IL20: variants seen among roughly 807,000 people sequenced by gnomAD.
IL20 encodes interleukin-20.
Under a neutral mutation model 19.2 loss-of-function variants are expected in IL20, and 22 were observed. The observed-to-expected ratio is 1.15, with a 90% CI of 0.82 to 1.64. The LOEUF is 1.64. Ranked by LOEUF, IL20 falls within the 40% of genes most tolerant of loss-of-function variation. The pLI, the probability that IL20 is intolerant of heterozygous loss-of-function variation, is 0.00. For synonymous variants in IL20, 70 were observed against 76.2 expected (o/e 0.92, Z 0.43); for missense variants, 215 against 212.8 (o/e 1.01, Z -0.06).
In IL20 at chr1:206,866,478, T is replaced by C. The variant is rs111506841; in HGVS notation, c.226-6T>C. ...CCCTCACCAATATACCTGTGGTTTT[T>C]TGCAGCCTGCGAATCGATGCTGCCT... On this transcript the variant is annotated splice_region_variant and splice_polypyrimidine_tract_variant and intron_variant, in intron 3 of 5. Transcript: ENST00000367098. 3 of 1,614,104 alleles carry C rather than the reference T, an allele frequency of 1.9e-6. No individual in the cohort carries two copies. Among genetic ancestry groups the C allele is most frequent in the Non-Finnish European group, 2.5e-6 (3 of 1,179,994 alleles).
Position 206,865,899 on chromosome 1 carries a change from A to G in IL20, c.47A>G (p.Tyr16Cys). Residue 16 changes from tyrosine to cysteine, a missense_variant, in exon 2 of 6, where the codon TAT (tyrosine) becomes TGT (cysteine). Tyr to Cys is a radical substitution (Grantham distance 194). Transcript: ENST00000367098. The surrounding 1 kb of genome is among the most constrained non-coding windows in gnomAD (Gnocchi z 4.1). ...TTCAGCCTTCTCTCTGCTGCGTTTT[A>G]TCTCCTATGGACTCCTTCCACTGGA... ...LAFSLLSAAFYLLWTPSTGLK... is the reference protein window; with the variant it reads ...LAFSLLSAAFCLLWTPSTGLK... 1.2e-6 allele frequency: 2 copies of G among 1,614,076 alleles called. No homozygotes were observed. The highest frequency in any genetic ancestry group is 1.7e-4 in the Middle Eastern group (1 of 6,060).
In IL20 at chr1:206,866,016, G is replaced by C. The variant is rs3024516; in HGVS notation, c.159+5G>C. On this transcript the variant is annotated splice_donor_5th_base_variant and intron_variant, in intron 2 of 5. Coordinates refer to ENST00000367098, the MANE Select transcript of IL20 (RefSeq NM_018724.4). ...TCTGAGATACGGGGCAGTGTGGTACGTAAGCGGGTATCTACCTCTCCTGAA... is the reference window on the plus strand; with the variant it reads ...TCTGAGATACGGGGCAGTGTGGTACCTAAGCGGGTATCTACCTCTCCTGAA... The C allele has an allele frequency of 7.4e-6, 12 of 1,613,394 alleles. No homozygotes were observed. Among genetic ancestry groups the C allele is most frequent in the African/African-American group, 1.3e-5 (1 of 74,898 alleles).
rs1393149581 is a variant in IL20 at position 206,866,348 on chromosome 1, C to T, written c.209C>T (p.Ser70Phe). 1.9e-6 allele frequency: 3 copies of T among 1,614,076 alleles called. No homozygotes were observed. The highest frequency in any genetic ancestry group is 2.5e-6 in the Non-Finnish European group (3 of 1,179,962). The change falls in exon 3 of 6, where the codon TCT becomes TTT. Residue 70 changes from serine (S) to phenylalanine (F), a missense_variant. By Grantham distance (155) the Ser-to-Phe change is radical. Coordinates refer to ENST00000367098, the MANE Select transcript of IL20 (RefSeq NM_018724.4). ...IDIRILRRTE[S>F]LQDTKPANRC... ...ATCAGAATCTTAAGGAGGACTGAGTCTTTGCAAGACACAAAGGTATGTGCT... is the reference window on the plus strand; with the variant it reads ...ATCAGAATCTTAAGGAGGACTGAGTTTTTGCAAGACACAAAGGTATGTGCT...
At chr1:206,866,217 GAGTGGATGAGA>G in intron 2 of IL20, 71 bp from the exon 3 acceptor site, 1 of 1,360,290 alleles carries the variant, frequency 7.4e-7, no homozygotes, top group East Asian at 2.3e-5. Flanking sequence ...TCTTGGCAGG[GAGTGGATGAGA>G]AGTCTTGATA....
Position 206,869,203 on chromosome 1 carries a change from TAA to T in IL20, c.*641_*642del, listed in dbSNP as rs1423890331. ...CACGGCCAGCATGTATTTCTACAAATAAAGTTTTCTTTGCATAACATCTGCTT... is the reference window on the plus strand; with the variant it reads ...CACGGCCAGCATGTATTTCTACAAATAGTTTTCTTTGCATAACATCTGCTT... On this transcript the variant is annotated 3_prime_UTR_variant, in exon 6 of 6. Transcript: ENST00000367098. 1 of 152,300 alleles carries T rather than the reference TAA, an allele frequency of 6.6e-6. No individual in the cohort carries two copies. Among genetic ancestry groups the T allele is most frequent in the African/African-American group, 2.4e-5 (1 of 41,414 alleles). 9.4% of individuals were successfully genotyped at this position (152,300 alleles called of 1,614,324 possible). A position where few individuals can be genotyped will look rare whatever the true frequency, so the allele number is the denominator to read the frequency against.
At chr1:206,865,446 T>C (rs549979185), upstream of IL20, 10 of 987,482 alleles carry the variant, frequency 1.0e-5, no homozygotes, top group East Asian at 1.0e-3. This position sits in a 1 kb window ranked among gnomAD's most constrained non-coding sequence, Gnocchi z 4.1. Context: ...GTTGGCTTTC[T>C]GGAAGGGGAG....
rs1250999061 is a variant in IL20 at position 206,866,021 on chromosome 1, C to T, written c.159+10C>T. On this transcript the variant is annotated intron_variant, in intron 2 of 5. Coordinates refer to ENST00000367098, the MANE Select transcript of IL20 (RefSeq NM_018724.4). The stretch of plus-strand genomic sequence containing the variant: ...GATACGGGGCAGTGTGGTACGTAAG[C>T]GGGTATCTACCTCTCCTGAAAGCCT... The T allele has an allele frequency of 9.3e-6, 15 of 1,611,800 alleles. No homozygotes were observed. Among genetic ancestry groups the T allele is most frequent in the African/African-American group, 1.3e-5 (1 of 74,862 alleles).
At chr1:206,867,301 G>C in intron 4 of IL20, 83 bp from the exon 5 acceptor site, 4 of 1,158,082 alleles carry the variant, frequency 3.5e-6, no homozygotes, top group Non-Finnish European at 5.2e-6. Flanking sequence ...GTGGGTGAAA[G>C]AGTAGAGTTT....
At chr1:206,868,360 T>G in intron 5 of IL20, 127 bp from the exon 6 acceptor site, 1 of 484,078 alleles carries the variant, frequency 2.1e-6, no homozygotes, top group Middle Eastern at 3.3e-4. Context: ...ATAACTTCTT[T>G]AAGTGCTTCA....
chr1:206,868,100 T>A (rs1031930253), intron 5 of IL20, among the ~76,000 whole-genome samples: 1 of 152,034 alleles, frequency 6.6e-6, no homozygotes, highest in Non-Finnish European at 1.5e-5. Flanking sequence ...GCTAGGTGAT[T>A]GGCACAATCA....
At chr1:206,867,705 C>T (rs1677598435) in intron 5 of IL20, among the ~76,000 whole-genome samples, 1 of 152,194 alleles carries the variant, frequency 6.6e-6, no homozygotes, top group Admixed American at 6.5e-5. Flanking sequence ...ACTACAGTGA[C>T]ATCTGGATCT....
rs759150763 is a variant in IL20, at chr1:206,865,887, CT to C, written c.36del (p.Ala13LeufsTer13). ...TCTAGTCTTGCCTTCAGCCTTCTCT[CT>C]GCTGCGTTTTATCTCCTATGGACTC... is the stretch of plus-strand genomic sequence containing the variant. Reference protein sequence around the residue: ...KASSLAFSLLSAAFYLLWTPS... With the variant: ...KASSLAFSLLXAAFYLLWTPS... On this transcript the variant is annotated frameshift_variant, in exon 2 of 6. Transcript: ENST00000367098. LOFTEE classifies it high-confidence loss of function. This position sits in a 1 kb window ranked among gnomAD's most constrained non-coding sequence, Gnocchi z 4.1. 1.4e-4 allele frequency: 225 copies of C among 1,614,114 alleles called. 3 individuals carry two copies. The South Asian group carries it at 2.3e-3, about 17-fold the overall frequency.
In IL20 at chr1:206,867,466, C is replaced by T. The variant is rs777364408; in HGVS notation, c.453+8C>T. The T allele has an allele frequency of 1.9e-5, 31 of 1,610,114 alleles. No individual in the cohort carries two copies. The highest frequency in any genetic ancestry group is 1.3e-4 in the African/African-American group (10 of 74,854). ...CTGAGTCACTTTGAAAAGGTATATGCGACTTTGGCATTGATTGGGATGGGT... is the reference window on the plus strand; with the variant it reads ...CTGAGTCACTTTGAAAAGGTATATGTGACTTTGGCATTGATTGGGATGGGT... On this transcript the variant is annotated splice_region_variant and intron_variant, in intron 5 of 5. Coordinates refer to ENST00000367098, the MANE Select transcript of IL20 (RefSeq NM_018724.4).
rs574049013 is a variant in IL20, at chr1:206,867,444, A to C, written c.439A>C (p.Ser147Arg). The C allele has an allele frequency of 5.8e-5, 94 of 1,613,584 alleles. No individual in the cohort carries two copies. The highest frequency in any genetic ancestry group is 7.4e-5 in the Non-Finnish European group (87 of 1,179,664). Reference sequence around the variant, plus strand: ...AATGAAGAAATACAGCCAGATTCTGAGTCACTTTGAAAAGGTATATGCGAC... The same window carrying C: ...AATGAAGAAATACAGCCAGATTCTGCGTCACTTTGAAAAGGTATATGCGAC... The part of the protein sequence containing the change: ...EAMKKYSQIL[S>R]HFEKLEPQAA... Residue 147 changes from serine (S) to arginine (R), a missense_variant, in exon 5 of 6, where the codon AGT (serine) becomes CGT (arginine). Coordinates refer to ENST00000367098, the MANE Select transcript of IL20 (RefSeq NM_018724.4).
Position 206,866,368 on chromosome 1 carries a change from T to G in IL20, c.225+4T>G. ...TGAGTCTTTGCAAGACACAAAGGTATGTGCTTGGCCCAGACAAACTCTGGG... is the reference window on the plus strand; with the variant it reads ...TGAGTCTTTGCAAGACACAAAGGTAGGTGCTTGGCCCAGACAAACTCTGGG... On this transcript the variant is annotated splice_donor_region_variant and intron_variant, in intron 3 of 5. Coordinates refer to ENST00000367098, the MANE Select transcript of IL20 (RefSeq NM_018724.4). 1.2e-6 allele frequency: 2 copies of G among 1,613,998 alleles called. No homozygotes were observed. Among genetic ancestry groups the G allele is most frequent in the East Asian group, 4.5e-5 (2 of 44,882 alleles).
rs1677635263 is a variant in IL20 at position 206,868,819 on chromosome 1, T to G, written c.*255T>G. Reference sequence around the variant, plus strand: ...TTGGATATATTTATTAGTTAATATATTTATTTATTTTTTGCTATTTAATGT... The same window carrying G: ...TTGGATATATTTATTAGTTAATATAGTTATTTATTTTTTGCTATTTAATGT... On this transcript the variant is annotated 3_prime_UTR_variant, in exon 6 of 6. Transcript: ENST00000367098. 4.8e-6 allele frequency: 1 copy of G among 207,188 alleles called. No individual in the cohort carries two copies. Among genetic ancestry groups the G allele is most frequent in the African/African-American group, 2.3e-5 (1 of 43,302 alleles). The allele number at this position is 207,188 out of a possible 1,614,324, so 12.8% of individuals were successfully genotyped here.
At chr1:206,864,944 C>T (rs1474545310), upstream of IL20, among the ~76,000 whole-genome samples, 2 of 152,210 alleles carry the variant, frequency 1.3e-5, no homozygotes, top group Non-Finnish European at 2.9e-5. Flanking sequence ...AACACCCTAA[C>T]CTGCTCTCTT....
chr1:206,867,264 T>G (rs1677577659), intron 4 of IL20, 120 bp from the exon 5 acceptor site: 2 of 783,360 alleles, frequency 2.6e-6, no homozygotes, highest in Non-Finnish European at 4.1e-6. Context: ...AAAGAGCTTT[T>G]CTATAGGAAT....
At chr1:206,864,019 G>A (rs1677482757), upstream of IL20, among the ~76,000 whole-genome samples, 1 of 152,122 alleles carries the variant, frequency 6.6e-6, no homozygotes, top group Non-Finnish European at 1.5e-5. Context: ...ACTTGTCCAA[G>A]GTCACATAGA....
Sources: allele counts gnomAD v4.1 joint callset (sites outside exome capture counted in the v4.1 genomes callset), GRCh38; gene constraint gnomAD v4.1.1; non-coding constraint Gnocchi (gnomAD v3.1); transcripts MANE v1.5; gene names NCBI Gene and HGNC (gene_info 2026-07-23, HGNC 2026-07-21).